C1QTNF5: variants seen among roughly 807,000 people sequenced by gnomAD.
The protein encoded by C1QTNF5 is C1q and TNF related 5.
A neutral mutation model predicts 10.9 loss-of-function variants in C1QTNF5; 5 were observed. The ratio of observed to expected loss-of-function variants is 0.46; its 90% CI spans 0.24 to 0.97. C1QTNF5 has a LOEUF of 0.97. C1QTNF5 is among the 50% of genes least tolerant of loss of function. The pLI is 0.19. For synonymous variants in C1QTNF5, 161 were observed against 156.5 expected (o/e 1.03, Z -0.22); for missense variants, 281 against 339.4 (o/e 0.83, Z 1.35).
At chr11:119,345,914 G>T (rs776835313), upstream of C1QTNF5, 43 of 1,613,698 alleles carry the variant, frequency 2.7e-5, 1 homozygote, top group Middle Eastern at 4.9e-4. Context: ...CCAGATGGGG[G>T]TGCAGCCTGC....
chr11:119,345,851 G>C (rs755624004), upstream of C1QTNF5: 6 of 1,613,896 alleles, frequency 3.7e-6, no homozygotes, highest in Middle Eastern at 1.6e-4. Context: ...GTGATGGTGG[G>C]GGTGGTGGTG....
At chr11:119,341,980 C>G, upstream of C1QTNF5, 1 of 1,613,628 alleles carries the variant, frequency 6.2e-7, no homozygotes, top group Non-Finnish European at 8.5e-7. Flanking sequence ...GCTCACAGGC[C>G]AGCTCTGCAG....
Position 119,339,840 on chromosome 11 carries a change from C to T in C1QTNF5, c.223G>A (p.Gly75Arg). Residue 75 changes from glycine (G) to arginine (R), a missense_variant, in exon 3 of 3, where the codon GGA becomes AGA. Transcript: ENST00000528368. The surrounding 1 kb of genome is among the most constrained non-coding windows in gnomAD (Gnocchi z 5.4). ...CGCGGCCCGGGGTCCCCTCGAGGTC[C>T]CGGCAGTCCTGCGGGGTAAGCGGGG... ...KGEGGRPGLPGPRGDPGPRGE... is the reference protein window; with the variant it reads ...KGEGGRPGLPRPRGDPGPRGE... 2 of 1,493,314 alleles carry T rather than the reference C, an allele frequency of 1.3e-6. No individual in the cohort carries two copies. The highest frequency in any genetic ancestry group is 1.8e-6 in the Non-Finnish European group (2 of 1,129,014). 92.5% of individuals were successfully genotyped at this position (1,493,314 alleles called of 1,614,324 possible).
Position 119,339,207 on chromosome 11 carries a change from G to A in C1QTNF5, c.*124C>T. 3.6e-6 allele frequency: 4 copies of A among 1,106,222 alleles called. No individual in the cohort carries two copies. The highest frequency in any genetic ancestry group is 2.5e-5 in the Admixed American group (1 of 39,680). The allele number at this position is 1,106,222 out of a possible 1,614,324, so 68.5% of individuals were successfully genotyped here. On this transcript the variant is annotated 3_prime_UTR_variant, in exon 3 of 3. Transcript: ENST00000528368. The surrounding 1 kb of genome is among the most constrained non-coding windows in gnomAD (Gnocchi z 5.4). ...CCTTGCCAGCAGCAGGACGGAGAGTGCTCTACCCCACCTCCCTAGTCATTC... is the reference window on the plus strand; with the variant it reads ...CCTTGCCAGCAGCAGGACGGAGAGTACTCTACCCCACCTCCCTAGTCATTC...
upstream of C1QTNF5, chr11:119,342,534 C>G (rs1950512376): frequency 6.3e-7 from 1 of 1,599,230 alleles, no homozygotes; most frequent in Admixed American, 1.7e-5. Context: ...TGCAGTACGG[C>G]AGTAGGGTTC....
Position 119,339,308 on chromosome 11 carries a change from A to G in C1QTNF5, c.*23T>C. ...ACACCCTCCTTCTAGGAGTGAGAGCATGAGCTCACTTTGCAGTGGGCACTA... is the reference window on the plus strand; with the variant it reads ...ACACCCTCCTTCTAGGAGTGAGAGCGTGAGCTCACTTTGCAGTGGGCACTA... On this transcript the variant is annotated 3_prime_UTR_variant, in exon 3 of 3. Coordinates refer to ENST00000528368, the MANE Select transcript of C1QTNF5 (RefSeq NM_001278431.2). This position sits in a 1 kb window ranked among gnomAD's most constrained non-coding sequence, Gnocchi z 5.4. 2 of 1,608,876 alleles carry G rather than the reference A, an allele frequency of 1.2e-6. No individual in the cohort carries two copies. The highest frequency in any genetic ancestry group is 2.2e-5 in the South Asian group (2 of 90,446).
upstream of C1QTNF5, among the ~76,000 whole-genome samples, chr11:119,343,584 G>GA (rs1950525443): frequency 1.3e-5 from 2 of 152,206 alleles, no homozygotes; most frequent in African/African-American, 4.8e-5. Flanking sequence ...CTGCCGGTGG[G>GA]GAGGAACTGG....
chr11:119,345,155 A>G (rs1034552203), upstream of C1QTNF5: 6 of 1,031,242 alleles, frequency 5.8e-6, no homozygotes, highest in Non-Finnish European at 7.1e-6. Context: ...GGGAGCTCTG[A>G]CCTTCCTAGC....
chr11:119,346,294 G>C, the C1QTNF5 span: 1 of 1,613,748 alleles, frequency 6.2e-7, no homozygotes. Context: ...CTGGGACGCT[G>C]TAGCTGGCAT....
chr11:119,341,317 G>A, upstream of C1QTNF5: 1 of 579,332 alleles, frequency 1.7e-6, no homozygotes, highest in Non-Finnish European at 3.1e-6. Flanking sequence ...ATTGTCCGGT[G>A]GCACAGTGTG....
upstream of C1QTNF5, chr11:119,344,858 G>A (rs1319297494): frequency 6.2e-7 from 1 of 1,613,312 alleles, no homozygotes; most frequent in Non-Finnish European, 8.5e-7. Flanking sequence ...CAACAGGCAG[G>A]TGGGAACACA....
chr11:119,346,418 C>G, the C1QTNF5 span: 2 of 1,613,746 alleles, frequency 1.2e-6, no homozygotes, highest in Non-Finnish European at 1.7e-6. Context: ...GCAGTGACCA[C>G]TGGTGCTGGG....
chr11:119,344,060 G>T (rs539903918), upstream of C1QTNF5: 4 of 1,504,688 alleles, frequency 2.7e-6, no homozygotes, highest in African/African-American at 1.4e-5. Context: ...TGGCTGGGGG[G>T]ATGGGGTGGT....
At chr11:119,344,473 A>T, upstream of C1QTNF5, 1 of 1,554,336 alleles carries the variant, frequency 6.4e-7, no homozygotes, top group South Asian at 1.1e-5. Flanking sequence ...ACAGAGCGAG[A>T]GTTTTGGCCA....
chr11:119,343,357 A>T (rs544178018), upstream of C1QTNF5, among the ~76,000 whole-genome samples: 12 of 152,284 alleles, frequency 7.9e-5, no homozygotes, highest in South Asian at 1.9e-3. Flanking sequence ...CAAAAAAATT[A>T]AAAAAGTAAA....
chr11:119,339,948 A>G lies in C1QTNF5; in HGVS notation c.215-100T>C, dbSNP rs919684721. 24 of 1,377,346 alleles carry G rather than the reference A, an allele frequency of 1.7e-5. No individual in the cohort carries two copies. Among genetic ancestry groups the G allele is most frequent in the Non-Finnish European group, 2.1e-5 (22 of 1,059,386 alleles). The allele number at this position is 1,377,346 out of a possible 1,614,324, so 85.3% of individuals were successfully genotyped here. A position where few individuals can be genotyped will look rare whatever the true frequency, so the allele number is the denominator to read the frequency against. ...CCGTACCCCTCCCCGCCCCTGCCTG[A>G]GCTTCGGCCAGCGCCTCCTCCCGCA... On this transcript the variant is annotated intron_variant, in intron 2 of 2. Coordinates refer to ENST00000528368, the MANE Select transcript of C1QTNF5 (RefSeq NM_001278431.2). This position sits in a 1 kb window ranked among gnomAD's most constrained non-coding sequence, Gnocchi z 5.4.
upstream of C1QTNF5, chr11:119,345,330 G>C (rs770344130): frequency 1.5e-6 from 2 of 1,341,998 alleles, no homozygotes; most frequent in African/African-American, 2.9e-5. Flanking sequence ...TTTCTTCCTC[G>C]GTTAGCCCTT....
upstream of C1QTNF5, chr11:119,345,894 A>G: frequency 1.2e-6 from 2 of 1,613,604 alleles, no homozygotes; most frequent in Non-Finnish European, 8.5e-7. Flanking sequence ...GCAGTGGGCT[A>G]TGGGACGCCC....
chr11:119,341,968 A>G (rs972347142), upstream of C1QTNF5: 1 of 1,613,692 alleles, frequency 6.2e-7, no homozygotes, highest in Non-Finnish European at 8.5e-7. Flanking sequence ...CCACCTGGAC[A>G]GGCTCACAGG....
Sources: gnomAD v4.1 joint callset for allele counts (sites outside exome capture counted in the v4.1 genomes callset) on GRCh38, gnomAD v4.1.1 for gene constraint, Gnocchi (gnomAD v3.1) non-coding constraint, MANE v1.5 for transcripts, NCBI Gene and HGNC (gene_info 2026-07-23, HGNC 2026-07-21) for gene names.